DEUP1: variants seen among roughly 807,000 people sequenced by gnomAD.
DEUP1 encodes coiled-coil domain containing 67.
A neutral mutation model predicts 87.4 loss-of-function variants in DEUP1; 82 were observed. The ratio of observed to expected loss-of-function variants is 0.94; its 90% CI spans 0.78 to 1.13. The LOEUF is 1.13. Ranked by LOEUF, DEUP1 falls within the 50% of genes most tolerant of loss-of-function variation. The pLI, the probability that DEUP1 is intolerant of heterozygous loss-of-function variation, is 0.00. For synonymous variants in DEUP1, 214 were observed against 222.7 expected (o/e 0.96, Z 0.35); for missense variants, 663 against 681.5 (o/e 0.97, Z 0.30).
At chr11:93,407,618 G>T (rs1947316286) in intron 11 of DEUP1, among the ~76,000 whole-genome samples, 1 of 151,866 alleles carries the variant, frequency 6.6e-6, no homozygotes, top group Non-Finnish European at 1.5e-5. Flanking sequence ...TGGTAGTATG[G>T]AATATTTATT....
intron 12 of DEUP1, among the ~76,000 whole-genome samples, chr11:93,412,225 TG>T (rs1947456105): frequency 6.6e-6 from 1 of 152,174 alleles, no homozygotes; most frequent in Non-Finnish European, 1.5e-5. Context: ...AAGTCTCAAG[TG>T]GACAGAGTTC....
At chr11:93,339,911 G>C (rs1943973791) in intron 2 of DEUP1, among the ~76,000 whole-genome samples, 1 of 152,184 alleles carries the variant, frequency 6.6e-6, no homozygotes, top group South Asian at 2.1e-4. Flanking sequence ...CTGTCTGGCA[G>C]TAATGAGGTG....
intron 2 of DEUP1, among the ~76,000 whole-genome samples, chr11:93,346,262 G>C (rs1348677308): frequency 6.6e-6 from 1 of 152,110 alleles, no homozygotes; most frequent in Non-Finnish European, 1.5e-5. Flanking sequence ...TTGCAGCCCT[G>C]TAGTATAGTT....
chr11:93,369,826 G>A lies in DEUP1; in HGVS notation c.433-247G>A, dbSNP rs565171615. On this transcript the variant is annotated intron_variant, in intron 5 of 13. Transcript: ENST00000298050. ...GGCGCCTGTAGTCCCAGCTTCTCGG[G>A]AGGCTGAGGCAGGAGAATGGCGTGA... Among the ~76,000 whole-genome samples, 24 of 42,412 alleles carry A rather than the reference G, an allele frequency of 5.7e-4. 9 individuals carry two copies. In the South Asian group the frequency reaches 0.017, roughly 30 times the overall value. The allele number at this position is 42,412 out of a possible 152,430, so 27.8% of individuals were successfully genotyped here.
intron 4 of DEUP1, chr11:93,357,313 T>A (rs1403820422): frequency 1.3e-5 from 3 of 224,112 alleles, no homozygotes; most frequent in African/African-American, 2.3e-5. Context: ...AAATAATAAT[T>A]AGCTCACAAA....
chr11:93,367,724 T>A (rs1335155718), intron 5 of DEUP1, among the ~76,000 whole-genome samples: 1 of 152,210 alleles, frequency 6.6e-6, no homozygotes, highest in African/African-American at 2.4e-5. Context: ...GTTGAAAACA[T>A]CACTACATTC....
At chr11:93,367,553 T>C (rs568144972) in intron 5 of DEUP1, among the ~76,000 whole-genome samples, 86 of 152,312 alleles carry the variant, frequency 5.6e-4, no homozygotes, top group African/African-American at 1.8e-3. Context: ...TACTGACATA[T>C]TGTAAAATTA....
At chr11:93,388,335 T>G (rs1946654094) in intron 8 of DEUP1, among the ~76,000 whole-genome samples, 1 of 152,192 alleles carries the variant, frequency 6.6e-6, no homozygotes, top group Non-Finnish European at 1.5e-5. Flanking sequence ...GAAAGCATGC[T>G]GCTTCCCCTA....
At chr11:93,340,383 TAGAG>T (rs1944001946) in intron 2 of DEUP1, among the ~76,000 whole-genome samples, 1 of 151,932 alleles carries the variant, frequency 6.6e-6, no homozygotes, top group Non-Finnish European at 1.5e-5. Context: ...AGAGGCCAGT[TAGAG>T]AGGAGGAAGC....
At position 93,365,933 on chromosome 11, in the gene DEUP1, A is replaced by C. The variant is rs78966005; in HGVS notation, c.432+1639A>C. Among the ~76,000 whole-genome samples the C allele has an allele frequency of 1.3e-3, 197 of 152,356 alleles. 1 individual carries two copies. The highest frequency in any genetic ancestry group is 4.5e-3 in the African/African-American group (189 of 41,586). ...TAGCAGTGTACCACATGTAGTAGTC[A>C]AAGAACATGATCACTGATAACTGAA... On this transcript the variant is annotated intron_variant, in intron 5 of 13. Transcript: ENST00000298050.
chr11:93,399,314 C>T (rs1202378479), intron 11 of DEUP1, among the ~76,000 whole-genome samples: 1 of 151,606 alleles, frequency 6.6e-6, no homozygotes, highest in Non-Finnish European at 1.5e-5. Flanking sequence ...TTTATGTAAA[C>T]ATTAAGCTCA....
intron 7 of DEUP1, chr11:93,383,372 C>T: frequency 2.6e-6 from 1 of 382,730 alleles, no homozygotes; most frequent in Non-Finnish European, 4.6e-6. Flanking sequence ...CACAAAAGGC[C>T]ACATAGTGTA....
intron 7 of DEUP1, among the ~76,000 whole-genome samples, chr11:93,380,047 A>T (rs1322774780): frequency 6.6e-6 from 1 of 152,134 alleles, no homozygotes; most frequent in African/African-American, 2.4e-5. Flanking sequence ...ATATTTGGCA[A>T]TGCCTGGATA....
intron 13 of DEUP1, among the ~76,000 whole-genome samples, chr11:93,432,574 G>A (rs1948136384): frequency 6.6e-6 from 1 of 152,184 alleles, no homozygotes. Flanking sequence ...CAAGACCCGG[G>A]CAGATGGGCC....
intron 10 of DEUP1, 44 bp downstream of exon 10, chr11:93,394,700 G>C: frequency 7.3e-7 from 1 of 1,371,296 alleles, no homozygotes; most frequent in African/African-American, 1.4e-5. Flanking sequence ...GCACATTCTT[G>C]CTCAGTGCCA....
chr11:93,355,247 T>A, intron 2 of DEUP1, 124 bp from the exon 3 acceptor site: 2 of 866,464 alleles, frequency 2.3e-6, no homozygotes, highest in Non-Finnish European at 3.5e-6. Context: ...TTGAACTTAT[T>A]CCTATTTAAA....
intron 2 of DEUP1, among the ~76,000 whole-genome samples, chr11:93,349,412 T>C (rs566765748): frequency 9.9e-6 from 1 of 100,808 alleles, no homozygotes; most frequent in East Asian, 2.9e-4. Flanking sequence ...AACAATGTGA[T>C]ATCTGCTTTA....
intron 9 of DEUP1, among the ~76,000 whole-genome samples, chr11:93,394,008 C>T (rs12280126): frequency 0.24 from 37,191 of 152,078 alleles, 4,985 homozygotes; most frequent in Middle Eastern, 0.38. Context: ...TGTTTAGTTA[C>T]AAACAGTACA....
chr11:93,330,455 G>T (rs1943408856), upstream of DEUP1: 1 of 152,782 alleles, frequency 6.5e-6, no homozygotes, highest in African/African-American at 2.4e-5. Flanking sequence ...GGACAGCGAG[G>T]TCGCGCTCGC....
Sources: gnomAD v4.1 joint callset for allele counts (sites outside exome capture counted in the v4.1 genomes callset) on GRCh38, gnomAD v4.1.1 for gene constraint, MANE v1.5 for transcripts, NCBI Gene and HGNC (gene_info 2026-07-23, HGNC 2026-07-21) for gene names.